Variants in CUBN observed in about 807,000 individuals in gnomAD.
The protein encoded by CUBN is cubilin, also known as 460 kDa receptor.
Under a neutral mutation model 405.3 loss-of-function variants are expected in CUBN, and 282 were observed. That is an observed-to-expected ratio of 0.70 (90% CI 0.63 to 0.77). The LOEUF (loss-of-function observed/expected upper bound fraction) is 0.77. Ranked by LOEUF, CUBN falls within the 30% of genes least tolerant of loss-of-function variation. The pLI is 0.00. For missense variants in CUBN, 4,514 were observed against 4,475.2 expected, an observed-to-expected ratio of 1.01 and a Z score of -0.25; for synonymous variants, 1,684 against 1,617.0, an observed-to-expected ratio of 1.04 and a Z score of -0.99.
Position 16,980,495 on chromosome 10 carries a change from G to A in CUBN, c.4695+1989C>T, listed in dbSNP as rs137957851. Among the ~76,000 whole-genome samples the A allele has an allele frequency of 6.7e-3, 1,028 of 152,302 alleles. 23 individuals are homozygous for A. The East Asian group carries it at 0.085, about 13-fold the overall frequency. The stretch of plus-strand genomic sequence containing the variant: ...AGAAAATGTGGCACCTATACACCAT[G>A]GAATACTTTGTAGCCATAAAAAAGG... On this transcript the variant is annotated intron_variant, in intron 31 of 66. Transcript: ENST00000377833.
rs778144211 is a variant in CUBN, at chr10:17,110,958, T to G, written c.976A>C (p.Asn326His). The G allele has an allele frequency of 3.4e-5, 55 of 1,614,074 alleles. No homozygotes were observed. The highest frequency in any genetic ancestry group is 4.7e-5 in the Non-Finnish European group (55 of 1,180,042). The part of the protein sequence containing the change: ...CSVAPPVECV[N>H]TPGSSHCQAC... ...TGGCAGTGGGAAGACCCAGGTGTAT[T>G]CACACACTCAACGGGTGGAGCCACA... Residue 326 changes from asparagine to histidine, a missense_variant, in exon 9 of 67, where the codon AAT becomes CAT. This residue lies in a region of CUBN where 1,448 missense variants were observed against 1,388.0 expected (regional missense o/e 1.04). Transcript: ENST00000377833.
intron 58 of CUBN, among the ~76,000 whole-genome samples, chr10:16,874,086 T>C (rs1840433482): frequency 6.6e-6 from 1 of 152,242 alleles, no homozygotes; most frequent in Non-Finnish European, 1.5e-5. Context: ...GATGGGCTTA[T>C]TATACCTTGA....
intron 28 of CUBN, among the ~76,000 whole-genome samples, chr10:17,018,505 G>C (rs74560247): frequency 6.6e-6 from 1 of 152,168 alleles, no homozygotes; most frequent in African/African-American, 2.4e-5. Context: ...GCAGACCTTC[G>C]CAGTGAGTGC....
intron 15 of CUBN, 59 bp from the exon 16 acceptor site, chr10:17,085,818 C>A (rs1407480987): frequency 6.9e-7 from 1 of 1,439,242 alleles, no homozygotes; most frequent in South Asian, 1.2e-5. Context: ...CAAACTAGGT[C>A]ACTTTGGATA....
At chr10:16,889,439 C>T (rs929278281) in intron 55 of CUBN, among the ~76,000 whole-genome samples, 5 of 152,352 alleles carry the variant, frequency 3.3e-5, no homozygotes, top group East Asian at 3.9e-4. Context: ...CCAACAGGCA[C>T]ACACCATTGC....
At chr10:17,075,478 G>A (rs1835838991) in intron 17 of CUBN, among the ~76,000 whole-genome samples, 2 of 151,986 alleles carry the variant, frequency 1.3e-5, no homozygotes, top group Non-Finnish European at 1.5e-5. Flanking sequence ...ATAAAGTTCT[G>A]GAAAATAAAC....
intron 8 of CUBN, among the ~76,000 whole-genome samples, chr10:17,113,663 T>C (rs1252357079): frequency 6.6e-6 from 1 of 152,194 alleles, no homozygotes; most frequent in East Asian, 1.9e-4. Flanking sequence ...GTGGTGGAGA[T>C]GCAAAGAGGT....
At chr10:16,903,012 C>A (rs1841440767) in intron 51 of CUBN, among the ~76,000 whole-genome samples, 1 of 152,176 alleles carries the variant, frequency 6.6e-6, no homozygotes, top group African/African-American at 2.4e-5. Context: ...TTTTCCAGCA[C>A]AAACTCTGAA....
intron 14 of CUBN, among the ~76,000 whole-genome samples, chr10:17,099,298 G>T (rs892955080): frequency 2.0e-5 from 3 of 152,010 alleles, no homozygotes; most frequent in African/African-American, 7.3e-5. Flanking sequence ...AAAGAAAATA[G>T]AATAATTAAA....
chr10:17,039,683 G>A (rs1051383461), intron 27 of CUBN, among the ~76,000 whole-genome samples: 2 of 152,098 alleles, frequency 1.3e-5, no homozygotes, highest in Admixed American at 1.3e-4. Flanking sequence ...TGAACTCCAG[G>A]TCAAGGAAGG....
intron 30 of CUBN, among the ~76,000 whole-genome samples, chr10:16,983,062 C>G (rs754019162): frequency 2.4e-4 from 36 of 152,130 alleles, no homozygotes; most frequent in Non-Finnish European, 4.4e-4. Flanking sequence ...AATATCTACC[C>G]TTTAAAAATT....
intron 41 of CUBN, among the ~76,000 whole-genome samples, chr10:16,926,858 T>C (rs1842206422): frequency 1.3e-5 from 2 of 149,528 alleles, no homozygotes; most frequent in African/African-American, 5.0e-5. Context: ...CTAATTGGGA[T>C]ACAAGTGGTT....
intron 54 of CUBN, among the ~76,000 whole-genome samples, chr10:16,897,317 C>T (rs919788364): frequency 2.8e-4 from 19 of 68,752 alleles, no homozygotes; most frequent in South Asian, 8.1e-4. Context: ...ATGTTTACCA[C>T]GTGCCTTGCA....
intron 59 of CUBN, among the ~76,000 whole-genome samples, chr10:16,856,477 C>T (rs375610621): frequency 2.5e-4 from 38 of 152,294 alleles, no homozygotes; most frequent in African/African-American, 7.7e-4. Flanking sequence ...AATTAAAAAT[C>T]GGTAACCGAA....
At chr10:17,067,786 C>G (rs758101861) in intron 21 of CUBN, among the ~76,000 whole-genome samples, 3 of 151,968 alleles carry the variant, frequency 2.0e-5, no homozygotes, top group Non-Finnish European at 4.4e-5. Flanking sequence ...GGGTGAGGAA[C>G]AAAAGCAAGG....
At chr10:17,113,307 T>G (rs1275650914) in intron 8 of CUBN, among the ~76,000 whole-genome samples, 1 of 152,072 alleles carries the variant, frequency 6.6e-6, no homozygotes, top group Non-Finnish European at 1.5e-5. Flanking sequence ...CTACTATTAT[T>G]ACATTATCTT....
chr10:17,060,364 G>C (rs914344640), intron 22 of CUBN, among the ~76,000 whole-genome samples: 3 of 151,374 alleles, frequency 2.0e-5, no homozygotes, highest in Admixed American at 2.0e-4. Context: ...CAGGTGATCC[G>C]ACTGCCTCAG....
chr10:16,882,183 C>T (rs934470257), intron 56 of CUBN, among the ~76,000 whole-genome samples: 1 of 152,162 alleles, frequency 6.6e-6, no homozygotes, highest in African/African-American at 2.4e-5. Flanking sequence ...CATATGCGAA[C>T]TTGTGAGGAA....
intron 65 of CUBN, 49 bp downstream of exon 65, chr10:16,831,203 C>T (rs376587594): frequency 6.4e-7 from 1 of 1,553,726 alleles, no homozygotes; most frequent in Non-Finnish European, 8.9e-7. Flanking sequence ...TATTAGACAC[C>T]TCATGTTTTT....
Sources: allele counts gnomAD v4.1 joint callset (sites outside exome capture counted in the v4.1 genomes callset), GRCh38; gene constraint gnomAD v4.1.1; regional missense constraint gnomAD v4.1.1; transcripts MANE v1.5; gene names NCBI Gene and HGNC (gene_info 2026-07-23, HGNC 2026-07-21).